The following AIG1 variants were observed in gnomAD, a reference collection of about 807,000 sequenced individuals.
The protein encoded by AIG1 is androgen-induced gene 1 protein.
Under a neutral mutation model 31.4 loss-of-function variants are expected in AIG1, and 23 were observed. That is an observed-to-expected ratio of 0.73 (90% CI 0.53 to 1.04). The LOEUF is 1.04. AIG1 is among the 50% of genes least tolerant of loss of function. The probability of loss-of-function intolerance (pLI) is 0.00; values close to 1 mark genes in which losing one functional copy is unlikely to be tolerated. For synonymous variants in AIG1, 100 were observed against 110.5 expected (o/e 0.90, Z 0.60); for missense variants, 274 against 295.0 (o/e 0.93, Z 0.52).
intron 1 of AIG1, among the ~76,000 whole-genome samples, chr6:143,129,364 T>C (rs1783010239): frequency 6.6e-6 from 1 of 152,166 alleles, no homozygotes; most frequent in African/African-American, 2.4e-5. Flanking sequence ...GACCTCCACG[T>C]ACACTCTTTG....
chr6:143,116,475 C>T (rs1164795609), intron 1 of AIG1, among the ~76,000 whole-genome samples: 1 of 151,874 alleles, frequency 6.6e-6, no homozygotes, highest in Non-Finnish European at 1.5e-5. Flanking sequence ...TCCCTGCCCT[C>T]ATGGAGCATA....
At chr6:143,274,744 G>C (rs1230466787) in intron 3 of AIG1, among the ~76,000 whole-genome samples, 1 of 152,172 alleles carries the variant, frequency 6.6e-6, no homozygotes, top group African/African-American at 2.4e-5. Context: ...ATGTTTTAGA[G>C]TCAGGTAGAT....
intron 2 of AIG1, among the ~76,000 whole-genome samples, chr6:143,155,074 G>C (rs908146064): frequency 2.7e-5 from 4 of 150,928 alleles, no homozygotes; most frequent in Admixed American, 6.6e-5. Context: ...GGCCAAGCTG[G>C]TCTCGAACTT....
chr6:143,337,365 A>C (rs888477247), intron 5 of AIG1, among the ~76,000 whole-genome samples: 1 of 152,064 alleles, frequency 6.6e-6, no homozygotes, highest in African/African-American at 2.4e-5. Context: ...GTGGAGGTTG[A>C]TTGGATCCGT....
At chr6:143,278,451 T>C (rs1012369314) in intron 3 of AIG1, among the ~76,000 whole-genome samples, 25 of 151,850 alleles carry the variant, frequency 1.6e-4, no homozygotes, top group Admixed American at 1.5e-3. Flanking sequence ...TGCCAGTATA[T>C]CTTTTTTCTT....
At chr6:143,232,955 G>A (rs1793552207) in intron 3 of AIG1, among the ~76,000 whole-genome samples, 1 of 152,174 alleles carries the variant, frequency 6.6e-6, no homozygotes, top group Non-Finnish European at 1.5e-5. Context: ...TGTTTCTTCT[G>A]TTCTGGGAGC....
At chr6:143,089,108 G>A (rs1779068784) in intron 1 of AIG1, among the ~76,000 whole-genome samples, 1 of 151,884 alleles carries the variant, frequency 6.6e-6, no homozygotes. Context: ...TACTCAAGAG[G>A]CAGAGGCAGG....
At chr6:143,238,936 A>G (rs1197824440) in intron 3 of AIG1, among the ~76,000 whole-genome samples, 2 of 152,250 alleles carry the variant, frequency 1.3e-5, no homozygotes, top group Non-Finnish European at 1.5e-5. Context: ...CAGACACTGT[A>G]GACATAATTA....
intron 5 of AIG1, chr6:143,339,114 G>T (rs908205094): frequency 4.0e-5 from 6 of 151,618 alleles, no homozygotes; most frequent in Admixed American, 2.0e-4. Context: ...CATGAGTATG[G>T]AAATAAACAG....
At chr6:143,273,233 A>G (rs1796663358) in intron 3 of AIG1, among the ~76,000 whole-genome samples, 1 of 152,244 alleles carries the variant, frequency 6.6e-6, no homozygotes, top group Non-Finnish European at 1.5e-5. Context: ...TCTACGAATA[A>G]GTGGATTCTA....
chr6:143,269,763 TC>T (rs1473660724), intron 3 of AIG1, among the ~76,000 whole-genome samples: 1 of 152,164 alleles, frequency 6.6e-6, no homozygotes, highest in Non-Finnish European at 1.5e-5. Context: ...AATGTAAACA[TC>T]GGCAAAACTG....
chr6:143,113,150 T>C (rs1168089900), intron 1 of AIG1, among the ~76,000 whole-genome samples: 2 of 149,624 alleles, frequency 1.3e-5, no homozygotes, highest in Non-Finnish European at 3.0e-5. Flanking sequence ...ATCACGCCAC[T>C]ACTGCACTCC....
chr6:143,322,043 G>C (rs1041227768), intron 4 of AIG1, among the ~76,000 whole-genome samples: 2 of 152,214 alleles, frequency 1.3e-5, no homozygotes, highest in African/African-American at 4.8e-5. Flanking sequence ...GGACAGATGT[G>C]ACAAATGATA....
At chr6:143,247,442 T>C (rs768992073) in intron 3 of AIG1, among the ~76,000 whole-genome samples, 1 of 152,260 alleles carries the variant, frequency 6.6e-6, no homozygotes, top group African/African-American at 2.4e-5. Context: ...CCCATATTGC[T>C]GACTTTTAGT....
At chr6:143,190,590 AC>A (rs893979023) in intron 3 of AIG1, 2 of 985,434 alleles carry the variant, frequency 2.0e-6, no homozygotes, top group African/African-American at 3.5e-5. Flanking sequence ...GCATTTTCTT[AC>A]AAAAAACTTC....
At chr6:143,187,897 T>C in intron 3 of AIG1, 1 of 1,368,658 alleles carries the variant, frequency 7.3e-7, no homozygotes, top group African/African-American at 1.5e-5. Flanking sequence ...CCCCTTAATT[T>C]GGTGTTGGAT....
At chr6:143,253,213 TAAC>T (rs935773039) in intron 3 of AIG1, among the ~76,000 whole-genome samples, 3 of 152,220 alleles carry the variant, frequency 2.0e-5, no homozygotes, top group African/African-American at 7.2e-5. Flanking sequence ...TCACACCTGG[TAAC>T]AACCATAGGC....
At chr6:143,134,113 T>C (rs982157919) in intron 1 of AIG1, among the ~76,000 whole-genome samples, 2 of 152,088 alleles carry the variant, frequency 1.3e-5, no homozygotes, top group Non-Finnish European at 1.5e-5. Flanking sequence ...TTTTAAGTTA[T>C]TTGAAAATAT....
intron 2 of AIG1, among the ~76,000 whole-genome samples, chr6:143,147,309 A>T (rs1784796195): frequency 6.6e-6 from 1 of 152,148 alleles, no homozygotes; most frequent in Admixed American, 6.5e-5. Context: ...TGACCAGAAA[A>T]GATTGGAGAG....
Sources: gnomAD v4.1 joint callset for allele counts (sites outside exome capture counted in the v4.1 genomes callset) on GRCh38, gnomAD v4.1.1 for gene constraint, MANE v1.5 for transcripts, NCBI Gene and HGNC (gene_info 2026-07-23, HGNC 2026-07-21) for gene names.